The following STXBP5L variants were observed in gnomAD, a reference collection of about 807,000 sequenced individuals.
STXBP5L encodes syntaxin-binding protein 5-like.
STXBP5L carries 65 observed loss-of-function variants against 144.5 expected under a neutral mutation model. The ratio of observed to expected loss-of-function variants is 0.45; its 90% CI spans 0.37 to 0.55. The LOEUF (loss-of-function observed/expected upper bound fraction) is 0.55, where lower values mean the gene tolerates loss of function less well. Ranked by LOEUF, STXBP5L falls within the 20% of genes least tolerant of loss-of-function variation. The probability of loss-of-function intolerance (pLI) is 0.00; values close to 1 mark genes in which losing one functional copy is unlikely to be tolerated. For synonymous variants in STXBP5L, 505 were observed against 469.6 expected, an observed-to-expected ratio of 1.08 and a Z score of -0.97; for missense variants, 1,298 against 1,405.5, an observed-to-expected ratio of 0.92 and a Z score of 1.22.
chr3:121,182,983 C>T (rs1481972707), intron 9 of STXBP5L, among the ~76,000 whole-genome samples: 2 of 152,078 alleles, frequency 1.3e-5, no homozygotes, highest in Non-Finnish European at 2.9e-5. Context: ...AGTTTCATAC[C>T]AGTGATGCAG....
At chr3:121,185,244 G>A (rs950209333) in intron 9 of STXBP5L, among the ~76,000 whole-genome samples, 24 of 152,160 alleles carry the variant, frequency 1.6e-4, no homozygotes, top group East Asian at 1.9e-4. Context: ...CCATTCTGTA[G>A]GTTGCCTGTT....
chr3:121,139,117 T>C (rs1046332872), intron 7 of STXBP5L, among the ~76,000 whole-genome samples: 4 of 151,994 alleles, frequency 2.6e-5, no homozygotes, highest in African/African-American at 7.2e-5. Flanking sequence ...AGAAGTTGGT[T>C]AATGGACACA....
At chr3:121,123,463 G>C (rs1430702676) in intron 7 of STXBP5L, among the ~76,000 whole-genome samples, 1 of 151,540 alleles carries the variant, frequency 6.6e-6, no homozygotes, top group Non-Finnish European at 1.5e-5. Context: ...GATATGGAAA[G>C]TTCTTTAAGA....
chr3:121,014,039 A>T (rs1356075377), intron 3 of STXBP5L, among the ~76,000 whole-genome samples: 1 of 152,058 alleles, frequency 6.6e-6, no homozygotes, highest in Non-Finnish European at 1.5e-5. Flanking sequence ...TGATTACTGT[A>T]GCCTTGCCAT....
chr3:121,131,974 A>G (rs944464284), intron 7 of STXBP5L, among the ~76,000 whole-genome samples: 3 of 152,154 alleles, frequency 2.0e-5, no homozygotes, highest in Admixed American at 6.6e-5. Context: ...GTGCAGTGCC[A>G]TATGGTCAAG....
At chr3:121,298,172 T>C (rs1378363895) in intron 19 of STXBP5L, among the ~76,000 whole-genome samples, 2 of 152,222 alleles carry the variant, frequency 1.3e-5, no homozygotes, top group Non-Finnish European at 2.9e-5. Context: ...GTTTGTTTTG[T>C]TTTTTATAAT....
intron 3 of STXBP5L, among the ~76,000 whole-genome samples, chr3:120,980,919 G>A (rs746608565): frequency 4.7e-4 from 72 of 151,996 alleles, no homozygotes; most frequent in African/African-American, 1.4e-3. Flanking sequence ...TCCCTTAGCC[G>A]TTTCTTGTCT....
At chr3:121,348,419 T>C (rs978652407) in intron 20 of STXBP5L, among the ~76,000 whole-genome samples, 2 of 152,104 alleles carry the variant, frequency 1.3e-5, no homozygotes, top group African/African-American at 2.4e-5. Flanking sequence ...TAAAATTCTC[T>C]TTTTTTGTTG....
intron 3 of STXBP5L, among the ~76,000 whole-genome samples, chr3:120,994,753 T>C (rs762859642): frequency 1.3e-5 from 2 of 152,096 alleles, no homozygotes; most frequent in Non-Finnish European, 2.9e-5. Flanking sequence ...TTTTGTTGCA[T>C]GGTTTTCTGG....
chr3:121,262,475 TA>T (rs1469910035), intron 18 of STXBP5L, among the ~76,000 whole-genome samples: 2 of 151,940 alleles, frequency 1.3e-5, no homozygotes, highest in Admixed American at 6.6e-5. Flanking sequence ...ACTAACATTG[TA>T]AAAATTAGCT....
intron 20 of STXBP5L, among the ~76,000 whole-genome samples, chr3:121,338,381 C>T (rs568814883): frequency 9.2e-5 from 14 of 151,984 alleles, no homozygotes; most frequent in African/African-American, 2.2e-4. Flanking sequence ...CGGTGGTTCA[C>T]GCCTGTAATC....
chr3:121,015,674 A>T (rs1335775216), intron 3 of STXBP5L, among the ~76,000 whole-genome samples: 5 of 152,150 alleles, frequency 3.3e-5, no homozygotes, highest in South Asian at 4.1e-4. Context: ...CAGGGTGCTT[A>T]TTCTTCCGAA....
intron 3 of STXBP5L, among the ~76,000 whole-genome samples, chr3:120,991,957 A>G (rs950167406): frequency 1.3e-5 from 2 of 152,316 alleles, no homozygotes; most frequent in African/African-American, 2.4e-5. Flanking sequence ...AACTTAAAGT[A>G]TAATAAAAAA....
At chr3:121,056,064 C>G (rs1000460017) in intron 5 of STXBP5L, among the ~76,000 whole-genome samples, 40 of 152,112 alleles carry the variant, frequency 2.6e-4, no homozygotes, top group African/African-American at 8.4e-4. Context: ...CTTGGCCTTA[C>G]AAAGTATTAG....
intron 12 of STXBP5L, among the ~76,000 whole-genome samples, chr3:121,237,998 C>T (rs1386207297): frequency 1.3e-5 from 2 of 152,118 alleles, no homozygotes; most frequent in Non-Finnish European, 2.9e-5. Flanking sequence ...TAAGAAGTTC[C>T]AAACTTTCCC....
chr3:121,221,486 T>A (rs766392713), intron 10 of STXBP5L, among the ~76,000 whole-genome samples: 6 of 151,626 alleles, frequency 4.0e-5, no homozygotes, highest in Non-Finnish European at 5.9e-5. Flanking sequence ...AATATTATTA[T>A]TAATATTATG....
chr3:121,325,622 T>C (rs2044119104), intron 20 of STXBP5L, among the ~76,000 whole-genome samples: 1 of 151,984 alleles, frequency 6.6e-6, no homozygotes, highest in Non-Finnish European at 1.5e-5. Flanking sequence ...AGAAAAAATA[T>C]AGTTTACCAT....
At position 121,279,787 on chromosome 3, in the gene STXBP5L, A is replaced by G. The variant is rs1559931158; in HGVS notation, c.1959-18A>G. Reference sequence around the variant, plus strand: ...GCTTGTTGTGATACATTCTAGTTGTATTTTTTTTCTCTCTTAGAGTTGCAT... The same window carrying G: ...GCTTGTTGTGATACATTCTAGTTGTGTTTTTTTTCTCTCTTAGAGTTGCAT... On this transcript the variant is annotated intron_variant, in intron 18 of 26. Transcript: ENST00000471454. 5 of 1,608,530 alleles carry G rather than the reference A, an allele frequency of 3.1e-6. No homozygotes were observed. The highest frequency in any genetic ancestry group is 4.2e-6 in the Non-Finnish European group (5 of 1,176,844).
chr3:121,049,993 C>G (rs535988861), intron 5 of STXBP5L, among the ~76,000 whole-genome samples: 7 of 152,114 alleles, frequency 4.6e-5, no homozygotes, highest in South Asian at 2.1e-4. Context: ...CCTGGGGACT[C>G]TCACTCACTC....
Sources: allele counts gnomAD v4.1 joint callset (sites outside exome capture counted in the v4.1 genomes callset), GRCh38; gene constraint gnomAD v4.1.1; transcripts MANE v1.5; gene names NCBI Gene and HGNC (gene_info 2026-07-23, HGNC 2026-07-21).